SNTG1: variants seen among roughly 807,000 people sequenced by gnomAD.
SNTG1 encodes gamma-1-syntrophin.
In SNTG1, 39 loss-of-function variants were observed where a neutral mutation model predicts 74.7. The ratio of observed to expected loss-of-function variants is 0.52; its 90% CI spans 0.40 to 0.68. SNTG1 has a LOEUF of 0.68. Ranked by LOEUF, SNTG1 falls within the 30% of genes least tolerant of loss-of-function variation. The pLI, the probability that SNTG1 is intolerant of heterozygous loss-of-function variation, is 0.00. For missense variants in SNTG1, 685 were observed against 609.5 expected, an observed-to-expected ratio of 1.12 and a Z score of -1.30; for synonymous variants, 254 against 217.1, an observed-to-expected ratio of 1.17 and a Z score of -1.49.
intron 11 of SNTG1, among the ~76,000 whole-genome samples, chr8:50,546,590 T>C (rs2094390036): frequency 6.8e-6 from 1 of 148,100 alleles, no homozygotes; most frequent in Non-Finnish European, 1.5e-5. Context: ...TGTAAATGTG[T>C]TCTCATTGTT....
chr8:50,540,869 A>G (rs2094341810), intron 11 of SNTG1, among the ~76,000 whole-genome samples: 1 of 151,926 alleles, frequency 6.6e-6, no homozygotes, highest in South Asian at 2.1e-4. Flanking sequence ...TATTAGTCTT[A>G]CTGTATAAAA....
chr8:49,924,345 C>A (rs1158685406), intron 1 of SNTG1, among the ~76,000 whole-genome samples: 1 of 152,198 alleles, frequency 6.6e-6, no homozygotes, highest in Non-Finnish European at 1.5e-5. Context: ...ATTACCACAA[C>A]TAAATTTCAA....
chr8:50,585,664 T>C (rs1298437384), intron 12 of SNTG1, among the ~76,000 whole-genome samples: 1 of 152,142 alleles, frequency 6.6e-6, no homozygotes, highest in South Asian at 2.1e-4. Flanking sequence ...GCTCTCTGAA[T>C]GCATTTTATT....
At chr8:50,479,241 T>C (rs1230816624) in intron 8 of SNTG1, among the ~76,000 whole-genome samples, 1 of 152,112 alleles carries the variant, frequency 6.6e-6, no homozygotes, top group South Asian at 2.1e-4. Context: ...GAGAATATAA[T>C]TGGAATTAAA....
intron 12 of SNTG1, among the ~76,000 whole-genome samples, chr8:50,581,353 T>C (rs1169341623): frequency 1.1e-4 from 16 of 152,202 alleles, no homozygotes; most frequent in Admixed American, 1.0e-3. Flanking sequence ...AATTCTATGG[T>C]CATGTTTCAT....
chr8:50,137,166 C>T (rs2131439571), intron 1 of SNTG1, among the ~76,000 whole-genome samples: 1 of 152,246 alleles, frequency 6.6e-6, no homozygotes. Flanking sequence ...TAAACATCCT[C>T]CCATGCAGTG....
intron 15 of SNTG1, among the ~76,000 whole-genome samples, chr8:50,682,905 G>A (rs928023633): frequency 3.9e-5 from 6 of 152,012 alleles, no homozygotes; most frequent in Non-Finnish European, 5.9e-5. Context: ...TTTACTTCAC[G>A]CCTATTTTCA....
chr8:50,513,051 C>T (rs1224392590), intron 9 of SNTG1, among the ~76,000 whole-genome samples: 2 of 152,112 alleles, frequency 1.3e-5, no homozygotes, highest in African/African-American at 4.8e-5. Context: ...ATGATTTTAT[C>T]TACCTTTGGT....
At chr8:50,788,175 G>A (rs987934619) in intron 18 of SNTG1, among the ~76,000 whole-genome samples, 1 of 151,964 alleles carries the variant, frequency 6.6e-6, no homozygotes, top group Non-Finnish European at 1.5e-5. Flanking sequence ...TGACTGCAAG[G>A]CCATTAAGAA....
intron 1 of SNTG1, chr8:50,163,379 T>G (rs2131605027): frequency 1.3e-5 from 2 of 152,204 alleles, no homozygotes; most frequent in African/African-American, 4.8e-5. Context: ...AAAATATAAT[T>G]TTTCCAAAAT....
chr8:50,380,189 A>C (rs4292700), intron 2 of SNTG1, among the ~76,000 whole-genome samples: 43,883 of 152,162 alleles, frequency 0.29, 6,463 homozygotes, highest in South Asian at 0.41. Flanking sequence ...TAAATAGTTG[A>C]CTCCAAGGTA....
At chr8:49,957,414 C>G (rs897312222) in intron 1 of SNTG1, among the ~76,000 whole-genome samples, 1 of 152,072 alleles carries the variant, frequency 6.6e-6, no homozygotes, top group Non-Finnish European at 1.5e-5. Flanking sequence ...TCTTTATGTT[C>G]CTTTACTTCA....
chr8:50,651,399 C>G (rs1202216671), intron 13 of SNTG1, among the ~76,000 whole-genome samples: 7 of 152,106 alleles, frequency 4.6e-5, no homozygotes, highest in African/African-American at 1.7e-4. Flanking sequence ...TTGAATCCCT[C>G]AAGTTTGATA....
intron 1 of SNTG1, among the ~76,000 whole-genome samples, chr8:50,037,865 A>G (rs1021632542): frequency 4.6e-5 from 7 of 152,336 alleles, no homozygotes; most frequent in Non-Finnish European, 5.9e-5. Flanking sequence ...AACTGATGAG[A>G]GAGTGTGGAA....
chr8:50,306,259 G>A (rs1044210970), intron 2 of SNTG1, among the ~76,000 whole-genome samples: 2 of 151,940 alleles, frequency 1.3e-5, no homozygotes, highest in African/African-American at 2.4e-5. Flanking sequence ...GTATTCTGTG[G>A]TATATATATA....
At chr8:49,979,590 G>C (rs959764660) in intron 1 of SNTG1, among the ~76,000 whole-genome samples, 1 of 152,058 alleles carries the variant, frequency 6.6e-6, no homozygotes, top group African/African-American at 2.4e-5. Flanking sequence ...TCCAGTTCTT[G>C]GCTTGGTCTG....
At chr8:50,785,354 G>A (rs376164295) in intron 18 of SNTG1, among the ~76,000 whole-genome samples, 11 of 151,372 alleles carry the variant, frequency 7.3e-5, no homozygotes, top group African/African-American at 2.7e-4. Flanking sequence ...AATAAAAGAA[G>A]GTATATTTTA....
intron 1 of SNTG1, among the ~76,000 whole-genome samples, chr8:50,132,960 T>C (rs1586413626): frequency 6.6e-6 from 1 of 152,314 alleles, no homozygotes; most frequent in East Asian, 1.9e-4. Context: ...CTGTCCAGTT[T>C]CATCCTTGAC....
intron 13 of SNTG1, among the ~76,000 whole-genome samples, chr8:50,595,796 A>G (rs1201702205): frequency 2.0e-5 from 3 of 151,964 alleles, no homozygotes; most frequent in Admixed American, 1.3e-4. Flanking sequence ...AGCAGCGTGC[A>G]TCAATCCATC....
Sources: allele counts gnomAD v4.1 joint callset (sites outside exome capture counted in the v4.1 genomes callset), GRCh38; gene constraint gnomAD v4.1.1; transcripts MANE v1.5; gene names NCBI Gene and HGNC (gene_info 2026-07-23, HGNC 2026-07-21).